Variants in RBFOX1 observed in about 807,000 individuals in gnomAD.
RBFOX1 encodes the protein RNA binding protein fox-1 homolog 1.
In RBFOX1, 8 loss-of-function variants were observed where a neutral mutation model predicts 57.7. The observed-to-expected ratio is 0.14, with a 90% CI of 0.08 to 0.25. The LOEUF is 0.25. Among genes scored for constraint, RBFOX1 ranks in the 10% least tolerant of loss-of-function variants. The probability of loss-of-function intolerance (pLI) is 1.00; values close to 1 mark genes in which losing one functional copy is unlikely to be tolerated. For synonymous variants in RBFOX1, 326 were observed against 222.4 expected, an observed-to-expected ratio of 1.47 and a Z score of -4.15; for missense variants, 611 against 548.5, an observed-to-expected ratio of 1.11 and a Z score of -1.14.
chr16:5,714,393 C>T (rs2051610069), intron 3 of RBFOX1, among the ~76,000 whole-genome samples: 2 of 152,274 alleles, frequency 1.3e-5, no homozygotes, highest in East Asian at 1.9e-4. Context: ...AATGACTGGT[C>T]ACTGGAAATG....
At chr16:7,460,453 A>G (rs1051013124) in intron 4 of RBFOX1, among the ~76,000 whole-genome samples, 2 of 143,466 alleles carry the variant, frequency 1.4e-5, no homozygotes, top group African/African-American at 2.6e-5. Flanking sequence ...GTATGTGTGT[A>G]TATACATATC....
At chr16:6,852,269 G>A (rs879225624) in intron 3 of RBFOX1, among the ~76,000 whole-genome samples, 6 of 152,168 alleles carry the variant, frequency 3.9e-5, no homozygotes, top group African/African-American at 1.2e-4. Flanking sequence ...CTGTGTTCTT[G>A]CTGTCTTCCG....
At chr16:6,725,329 G>T (rs780466384) in intron 3 of RBFOX1, among the ~76,000 whole-genome samples, 6 of 152,040 alleles carry the variant, frequency 3.9e-5, no homozygotes, top group Non-Finnish European at 8.8e-5. Flanking sequence ...GGGATTACAG[G>T]TTTGAGCCAC....
intron 3 of RBFOX1, among the ~76,000 whole-genome samples, chr16:6,690,975 C>G (rs777364955): frequency 3.3e-5 from 5 of 152,108 alleles, no homozygotes; most frequent in Non-Finnish European, 5.9e-5. Context: ...AGGAAGCGAA[C>G]TGTTTTCCTA....
Position 5,783,416 on chromosome 16 carries a change from A to T in RBFOX1, c.319-83887A>T, listed in dbSNP as rs56373149. ...TTTCTTAAATTTATGTATGAGGGTT[A>T]TATGGTGTATATAGAGATTTTTTCT... On this transcript the variant is annotated intron_variant, in intron 3 of 19. Coordinates refer to the RBFOX1 transcript ENST00000641259. Among the ~76,000 whole-genome samples, 685 of 152,286 alleles carry T rather than the reference A, an allele frequency of 4.5e-3. 6 individuals carry two copies. The highest frequency in any genetic ancestry group is 0.015 in the African/African-American group (628 of 41,550).
At chr16:6,858,366 C>A (rs930163868) in intron 3 of RBFOX1, among the ~76,000 whole-genome samples, 1 of 152,126 alleles carries the variant, frequency 6.6e-6, no homozygotes, top group Non-Finnish European at 1.5e-5. Flanking sequence ...AGAGCAGATT[C>A]GTGATACTTT....
chr16:6,785,964 T>A (rs1603623522), intron 3 of RBFOX1, among the ~76,000 whole-genome samples: 1 of 152,334 alleles, frequency 6.6e-6, no homozygotes, highest in East Asian at 1.9e-4. Flanking sequence ...AGGTGGCACT[T>A]ACCAACAGAC....
At chr16:5,515,376 A>C (rs74004361) in intron 2 of RBFOX1, among the ~76,000 whole-genome samples, 1,991 of 152,342 alleles carry the variant, frequency 0.013, 53 homozygotes, top group African/African-American at 0.046. Context: ...TGGATCAAGT[A>C]CAGGAAAGGA....
At chr16:5,748,190 T>C (rs1329165999) in intron 3 of RBFOX1, among the ~76,000 whole-genome samples, 1 of 152,108 alleles carries the variant, frequency 6.6e-6, no homozygotes, top group Non-Finnish European at 1.5e-5. Context: ...TGGTTTTGAG[T>C]GAGTTTCTTA....
chr16:5,925,468 A>G (rs930271615), intron 4 of RBFOX1, among the ~76,000 whole-genome samples: 1 of 152,214 alleles, frequency 6.6e-6, no homozygotes, highest in Non-Finnish European at 1.5e-5. Flanking sequence ...CCATGGAAAC[A>G]GAAAGTAGAT....
intron 1 of RBFOX1, among the ~76,000 whole-genome samples, chr16:6,260,038 C>T (rs1245509771): frequency 2.0e-5 from 3 of 151,692 alleles, no homozygotes; most frequent in African/African-American, 2.4e-5. Flanking sequence ...TAAAACAATT[C>T]CTTTATCTTC....
At chr16:7,483,954 A>T (rs2064698677) in intron 4 of RBFOX1, among the ~76,000 whole-genome samples, 1 of 152,238 alleles carries the variant, frequency 6.6e-6, no homozygotes. Context: ...TCTCCACTAC[A>T]GTTCCTTGAC....
chr16:6,913,738 C>T lies in RBFOX1; in HGVS notation c.-15-138319C>T, dbSNP rs542937955. Among the ~76,000 whole-genome samples the T allele has an allele frequency of 3.9e-5, 6 of 152,266 alleles. No individual in the cohort carries two copies. The East Asian group carries it at 5.8e-4, about 15-fold the overall frequency. ...TCCCCTGCGTACCCTCCTAGCCAAG[C>T]GTCTGGGCAGCCAGCGGTTAAGTCC... On this transcript the variant is annotated intron_variant, in intron 3 of 15. Coordinates refer to ENST00000550418, the MANE Select transcript of RBFOX1 (RefSeq NM_018723.4).
intron 4 of RBFOX1, among the ~76,000 whole-genome samples, chr16:7,251,985 G>C (rs1454758899): frequency 6.6e-6 from 1 of 152,176 alleles, no homozygotes; most frequent in Non-Finnish European, 1.5e-5. Flanking sequence ...CTTAAAGAGA[G>C]TCTTCAAGGA....
intron 3 of RBFOX1, among the ~76,000 whole-genome samples, chr16:5,687,785 C>T (rs1296660970): frequency 6.6e-6 from 1 of 152,128 alleles, no homozygotes; most frequent in Non-Finnish European, 1.5e-5. Context: ...GCTCTGCTGT[C>T]GGAGTCTGAA....
intron 1 of RBFOX1, among the ~76,000 whole-genome samples, chr16:6,152,374 A>G (rs1171199768): frequency 1.3e-5 from 2 of 151,984 alleles, no homozygotes; most frequent in South Asian, 2.1e-4. Flanking sequence ...TGCTTCATCC[A>G]AATATGCATG....
chr16:5,467,650 C>T (rs960337816), intron 2 of RBFOX1, among the ~76,000 whole-genome samples: 3 of 152,084 alleles, frequency 2.0e-5, no homozygotes, highest in African/African-American at 7.2e-5. Flanking sequence ...AGAGCTTGGC[C>T]ATGTAAGAAT....
intron 3 of RBFOX1, among the ~76,000 whole-genome samples, chr16:7,016,263 A>C (rs1178712544): frequency 1.3e-5 from 2 of 152,118 alleles, no homozygotes; most frequent in Non-Finnish European, 2.9e-5. Context: ...CCTCATCCCC[A>C]AGATCTGTCT....
intron 4 of RBFOX1, among the ~76,000 whole-genome samples, chr16:7,375,506 G>T (rs115595562): frequency 0.014 from 1,981 of 141,212 alleles, 18 homozygotes; most frequent in Middle Eastern, 0.052. Flanking sequence ...TTGTTTTTTT[G>T]TTTTTTTTTT....
Sources: allele counts gnomAD v4.1 joint callset (sites outside exome capture counted in the v4.1 genomes callset), GRCh38; gene constraint gnomAD v4.1.1; transcripts MANE v1.5; gene names NCBI Gene and HGNC (gene_info 2026-07-23, HGNC 2026-07-21).